Variants in GLI2 observed in about 807,000 individuals in gnomAD.
GLI2 encodes transcription activator GLI2.
A neutral mutation model predicts 78.9 loss-of-function variants in GLI2; 22 were observed. That is an observed-to-expected ratio of 0.28 (90% confidence interval 0.20 to 0.40). The LOEUF (loss-of-function observed/expected upper bound fraction) is 0.40, where lower values mean the gene tolerates loss of function less well. Among genes scored for constraint, GLI2 ranks in the 10% least tolerant of loss-of-function variants. GLI2 has a pLI of 1.00. For synonymous variants in GLI2, 974 were observed against 963.7 expected (o/e 1.01, Z -0.20); for missense variants, 2,097 against 2,213.2 (o/e 0.95, Z 1.05).
chr2:120,798,756 C>T (rs773902059), intron 2 of GLI2, among the ~76,000 whole-genome samples: 16 of 152,116 alleles, frequency 1.1e-4, no homozygotes, highest in African/African-American at 2.9e-4. Context: ...AGGAGCCAAG[C>T]GCACAGGGAG....
At chr2:120,840,242 A>G (rs1686803475) in intron 2 of GLI2, among the ~76,000 whole-genome samples, 1 of 152,138 alleles carries the variant, frequency 6.6e-6, no homozygotes, top group African/African-American at 2.4e-5. Context: ...GCTTCTGTCC[A>G]TTCTCTCTTC....
chr2:120,952,504 G>A (rs909472666), intron 4 of GLI2, among the ~76,000 whole-genome samples: 4 of 152,244 alleles, frequency 2.6e-5, no homozygotes, highest in African/African-American at 9.6e-5. Context: ...TGAAAAGGAG[G>A]CATCCAGTTT....
chr2:120,813,430 A>T (rs1049195052), intron 2 of GLI2, among the ~76,000 whole-genome samples: 1 of 152,170 alleles, frequency 6.6e-6, no homozygotes, highest in African/African-American at 2.4e-5. Context: ...AGAATGGCCC[A>T]GCTGCGCACA....
At chr2:120,876,306 C>A (rs1302236016) in intron 2 of GLI2, among the ~76,000 whole-genome samples, 1 of 152,200 alleles carries the variant, frequency 6.6e-6, no homozygotes, top group Non-Finnish European at 1.5e-5. Context: ...AGCGCCACTG[C>A]ACTCCAGCCT....
intron 3 of GLI2, among the ~76,000 whole-genome samples, chr2:120,940,202 C>T (rs990430344): frequency 6.6e-6 from 1 of 152,194 alleles, no homozygotes; most frequent in Non-Finnish European, 1.5e-5. Context: ...TGAATATCCT[C>T]TCCCAGTTCG....
intron 3 of GLI2, among the ~76,000 whole-genome samples, chr2:120,936,079 C>T (rs1048088490): frequency 6.6e-6 from 1 of 152,160 alleles, no homozygotes; most frequent in African/African-American, 2.4e-5. Context: ...GGGGTCCCCA[C>T]TGTCGGACAT....
chr2:120,831,986 TGGGGCACCACAAGGC>T (rs2104770272), intron 2 of GLI2, among the ~76,000 whole-genome samples: 1 of 152,310 alleles, frequency 6.6e-6, no homozygotes, highest in South Asian at 2.1e-4. Flanking sequence ...GCTTCCCATA[TGGGGCACCACAAGGC>T]GGGGTGGTTC....
chr2:120,941,265 T>C (rs550723844), intron 3 of GLI2, among the ~76,000 whole-genome samples: 7 of 152,306 alleles, frequency 4.6e-5, no homozygotes, highest in African/African-American at 1.7e-4. Context: ...TCTTAAAAAA[T>C]GCAAATCCCC....
chr2:120,990,433 G>GC lies in GLI2; in HGVS notation c.4474dup (p.Gln1492ProfsTer3). On this transcript the variant is annotated frameshift_variant, in exon 14 of 14. Transcript: ENST00000361492. LOFTEE classifies it high-confidence loss of function. Reference sequence around the variant, plus strand: ...CACTGTGGACTCCCAGCTCCTGGAGGCCCCCCAGATTGACTTCGATGCCAT... The same window carrying GC: ...CACTGTGGACTCCCAGCTCCTGGAGGCCCCCCCAGATTGACTTCGATGCCAT... The GC allele has an allele frequency of 1.2e-6, 2 of 1,613,976 alleles. No homozygotes were observed. The highest frequency in any genetic ancestry group is 1.7e-6 in the Non-Finnish European group (2 of 1,179,978).
intron 2 of GLI2, among the ~76,000 whole-genome samples, chr2:120,862,376 C>T (rs1012415798): frequency 3.9e-5 from 6 of 152,308 alleles, no homozygotes; most frequent in South Asian, 2.1e-4. Context: ...AGGCATTGCA[C>T]GAGGTACTGG....
At chr2:120,904,254 T>C (rs572221080) in intron 2 of GLI2, among the ~76,000 whole-genome samples, 1 of 152,222 alleles carries the variant, frequency 6.6e-6, no homozygotes, top group Non-Finnish European at 1.5e-5. Flanking sequence ...GATGGCTGAA[T>C]CAGTTACTGT....
At chr2:120,931,458 A>C (rs569969638) in intron 3 of GLI2, among the ~76,000 whole-genome samples, 1 of 152,244 alleles carries the variant, frequency 6.6e-6, no homozygotes, top group East Asian at 1.9e-4. Flanking sequence ...ATGTCTCTTA[A>C]GTCCCGTTTG....
chr2:120,823,324 G>A (rs1194210880), intron 2 of GLI2, among the ~76,000 whole-genome samples: 1 of 152,174 alleles, frequency 6.6e-6, no homozygotes, highest in African/African-American at 2.4e-5. Flanking sequence ...CCATACAGTG[G>A]GGGGAAGGGA....
chr2:120,832,168 G>A (rs1686394387), intron 2 of GLI2, among the ~76,000 whole-genome samples: 1 of 152,198 alleles, frequency 6.6e-6, no homozygotes, highest in Non-Finnish European at 1.5e-5. Flanking sequence ...GGCCACTGAG[G>A]ACTTCATCTC....
chr2:120,862,639 G>T (rs541427452), intron 2 of GLI2, among the ~76,000 whole-genome samples: 1 of 152,318 alleles, frequency 6.6e-6, no homozygotes, highest in Non-Finnish European at 1.5e-5. Flanking sequence ...TGGGCAGGTG[G>T]GGGGCCAAGC....
intron 2 of GLI2, among the ~76,000 whole-genome samples, chr2:120,899,812 C>G (rs1558868226): frequency 6.6e-6 from 1 of 152,176 alleles, no homozygotes; most frequent in Non-Finnish European, 1.5e-5. Flanking sequence ...TAAAGGCAGG[C>G]TGTTTTTCTA....
intron 9 of GLI2, among the ~76,000 whole-genome samples, chr2:120,976,050 GAGA>G (rs1161856109): frequency 6.6e-6 from 1 of 152,140 alleles, no homozygotes; most frequent in Non-Finnish European, 1.5e-5. Context: ...TCTCCATCCA[GAGA>G]AGAACTTAAA....
rs1361458846 is a variant in GLI2 at position 120,928,914 on chromosome 2, C to G, written c.254+1448C>G. ...GAATGCTCTTCACTCACCCACAGAGCTTATCCAGATTTGCTCAGTTGCCCA... is the reference window on the plus strand; with the variant it reads ...GAATGCTCTTCACTCACCCACAGAGGTTATCCAGATTTGCTCAGTTGCCCA... On this transcript the variant is annotated intron_variant, in intron 3 of 13. Coordinates refer to ENST00000361492, the MANE Select transcript of GLI2 (RefSeq NM_001374353.1). 2.0e-5 allele frequency among the ~76,000 whole-genome samples: 3 copies of G among 152,218 alleles called. No homozygotes were observed. The East Asian group carries it at 5.8e-4, about 29-fold the overall frequency.
At chr2:120,768,513 G>A (rs1037254309) in intron 1 of GLI2, among the ~76,000 whole-genome samples, 5 of 152,330 alleles carry the variant, frequency 3.3e-5, no homozygotes, top group South Asian at 4.1e-4. Context: ...AAGGGGCTCC[G>A]TCTACAGAGT....
Sources: gnomAD v4.1 joint callset for allele counts (sites outside exome capture counted in the v4.1 genomes callset) on GRCh38, gnomAD v4.1.1 for gene constraint, MANE v1.5 for transcripts, NCBI Gene and HGNC (gene_info 2026-07-23, HGNC 2026-07-21) for gene names.